Variants in DDB1 observed in about 807,000 individuals in gnomAD.
DDB1 encodes the protein damage specific DNA binding protein 1, also known as DNA damage-binding protein 1.
Under a neutral mutation model 133.1 loss-of-function variants are expected in DDB1, and 18 were observed. The observed-to-expected ratio is 0.14, with a 90% CI of 0.09 to 0.20. The LOEUF is 0.20. Ranked by LOEUF, DDB1 falls within the 10% of genes least tolerant of loss-of-function variation. The pLI is 1.00. For synonymous variants in DDB1, 580 were observed against 550.5 expected, an observed-to-expected ratio of 1.05 and a Z score of -0.75; for missense variants, 828 against 1,459.2, an observed-to-expected ratio of 0.57 and a Z score of 7.05.
intron 1 of DDB1, chr11:61,331,957 C>T (rs1242597327): frequency 1.3e-5 from 5 of 398,194 alleles, no homozygotes; most frequent in Admixed American, 3.7e-5. Flanking sequence ...ACAATGACTG[C>T]GTAATCCCTT....
At chr11:61,330,432 G>A (rs28720257) in intron 2 of DDB1, among the ~76,000 whole-genome samples, 393 of 5,012 alleles carry the variant, frequency 0.078, 10 homozygotes, top group East Asian at 0.49. Flanking sequence ...GAAGAAAGAG[G>A]AAAAAAAATG....
intron 10 of DDB1, among the ~76,000 whole-genome samples, chr11:61,320,343 G>A (rs982428215): frequency 2.6e-5 from 4 of 151,934 alleles, no homozygotes; most frequent in Non-Finnish European, 5.9e-5. Flanking sequence ...TGGGATTACA[G>A]GCACCCACAC....
intron 1 of DDB1, chr11:61,331,896 A>C: frequency 5.0e-6 from 3 of 594,886 alleles, no homozygotes; most frequent in South Asian, 2.2e-5. Flanking sequence ...TACTTCCCTA[A>C]TCAGACTAAG....
intron 8 of DDB1, chr11:61,322,644 G>A: frequency 1.8e-6 from 1 of 549,410 alleles, no homozygotes; most frequent in Non-Finnish European, 3.2e-6. Flanking sequence ...ATGGATTTCA[G>A]AGAAGTAGTG....
intron 1 of DDB1, 64 bp from the exon 2 acceptor site, chr11:61,331,755 T>A (rs1395165846): frequency 1.3e-6 from 2 of 1,597,008 alleles, no homozygotes; most frequent in African/African-American, 2.7e-5. Context: ...TTCAAAATAA[T>A]CCTATCACTT....
At chr11:61,314,548 A>G in intron 12 of DDB1, 62 bp from the exon 13 acceptor site, 1 of 1,517,172 alleles carries the variant, frequency 6.6e-7, no homozygotes, top group African/African-American at 1.4e-5. Context: ...ACAGGAGTGG[A>G]AAGGTGGTAA....
chr11:61,317,335 G>A (rs757520351), intron 10 of DDB1, among the ~76,000 whole-genome samples: 21 of 151,666 alleles, frequency 1.4e-4, no homozygotes, highest in Non-Finnish European at 2.8e-4. Context: ...GGATGGTCTC[G>A]ATCTCCTGAC....
chr11:61,300,274 G>A, intron 26 of DDB1, 55 bp from the exon 27 acceptor site: 1 of 1,557,234 alleles, frequency 6.4e-7, no homozygotes, highest in Non-Finnish European at 8.8e-7. Context: ...TCTCCCACAG[G>A]TGGGGAAGGG....
At chr11:61,302,076 C>A in intron 25 of DDB1, 181 bp downstream of exon 25, 1 of 557,030 alleles carries the variant, frequency 1.8e-6, no homozygotes. Flanking sequence ...AGTCAATATA[C>A]TGTTCTATTG....
intron 8 of DDB1, 109 bp downstream of exon 8, chr11:61,322,902 G>C: frequency 1.2e-6 from 1 of 833,816 alleles, no homozygotes; most frequent in Non-Finnish European, 1.9e-6. Context: ...CTGGATAGTA[G>C]GGATGTGGAT....
Position 61,323,112 on chromosome 11 carries a change from A to T in DDB1, c.922-18T>A, listed in dbSNP as rs28720287. On this transcript the variant is annotated intron_variant, in intron 7 of 26. Transcript: ENST00000301764. ...ATAGAGGTCTGGAAGAAAGTCAGCA[A>T]CGTGAAAGAAATGAGAATGGACCCT... 657 of 1,609,512 alleles carry T rather than the reference A, an allele frequency of 4.1e-4. 6 individuals carry two copies. The African/African-American group carries it at 8.0e-3, about 20-fold the overall frequency.
intron 5 of DDB1, chr11:61,325,955 G>A: frequency 5.3e-6 from 3 of 564,030 alleles, no homozygotes; most frequent in Non-Finnish European, 9.6e-6. Flanking sequence ...CTATGGGTGG[G>A]GAGTCTTCTC....
intron 21 of DDB1, among the ~76,000 whole-genome samples, 153 bp downstream of exon 21, chr11:61,308,830 C>T (rs1468703605): frequency 2.6e-5 from 4 of 152,168 alleles, no homozygotes. Context: ...CCTCAGTTTC[C>T]GAGATTCTCA....
intron 21 of DDB1, among the ~76,000 whole-genome samples, chr11:61,308,005 T>C (rs1855904521): frequency 6.6e-6 from 1 of 152,200 alleles, no homozygotes; most frequent in Non-Finnish European, 1.5e-5. Flanking sequence ...CTTATACCGC[T>C]GCTTCTACCC....
intron 21 of DDB1, among the ~76,000 whole-genome samples, chr11:61,307,644 CATGCTAGT>C (rs1272261278): frequency 1.3e-5 from 2 of 152,196 alleles, no homozygotes; most frequent in Admixed American, 1.3e-4. Context: ...CTTTAACTGC[CATGCTAGT>C]ATCTCCAGTG....
chr11:61,324,015 G>A lies in DDB1; in HGVS notation c.885C>T (p.Val295=), dbSNP rs748160600. 1.2e-6 allele frequency: 2 copies of A among 1,613,742 alleles called. No homozygotes were observed. The highest frequency in any genetic ancestry group is 1.7e-5 in the Admixed American group (1 of 59,970). The change falls in exon 7 of 27, where the codon GTC becomes GTT. Residue 295 remains valine (V), a synonymous_variant. Coordinates refer to ENST00000301764, the MANE Select transcript of DDB1 (RefSeq NM_001923.5). ...GTTCTACACGGAGATCCTTGAGAGTGACGGTGCCATCCATCTGTTCCTCCT... is the reference window on the plus strand; with the variant it reads ...GTTCTACACGGAGATCCTTGAGAGTAACGGTGCCATCCATCTGTTCCTCCT... ...LEKEEQMDGT[V]TLKDLRVELL...
intron 25 of DDB1, 131 bp from the exon 26 acceptor site, chr11:61,301,063 CT>C: frequency 7.4e-7 from 1 of 1,356,672 alleles, no homozygotes; most frequent in Non-Finnish European, 1.0e-6. Flanking sequence ...TTTCGCCTTG[CT>C]TTTATTTGGA....
At chr11:61,332,065 A>G (rs1160294635) in intron 1 of DDB1, 1 of 176,260 alleles carries the variant, frequency 5.7e-6, no homozygotes, top group Non-Finnish European at 1.2e-5. Context: ...TCCAGTCTTC[A>G]TCTAAAGTCT....
intron 21 of DDB1, among the ~76,000 whole-genome samples, chr11:61,305,961 T>C (rs1034196788): frequency 6.6e-6 from 1 of 152,246 alleles, no homozygotes; most frequent in Non-Finnish European, 1.5e-5. Flanking sequence ...TGATTACATG[T>C]GGAAATGCTA....
Sources: allele counts gnomAD v4.1 joint callset (sites outside exome capture counted in the v4.1 genomes callset), GRCh38; gene constraint gnomAD v4.1.1; transcripts MANE v1.5; gene names NCBI Gene and HGNC (gene_info 2026-07-23, HGNC 2026-07-21).